Variants in UTP18 observed in about 807,000 individuals in gnomAD.
UTP18 encodes the protein U3 small nucleolar RNA-associated protein 18 homolog.
A neutral mutation model predicts 61.1 loss-of-function variants in UTP18; 36 were observed. That is an observed-to-expected ratio of 0.59 (90% CI 0.45 to 0.78). The LOEUF (loss-of-function observed/expected upper bound fraction) is 0.78. Ranked by LOEUF, UTP18 falls within the 30% of genes least tolerant of loss-of-function variation. UTP18 has a pLI of 0.00. For synonymous variants in UTP18, 282 were observed against 251.1 expected, an observed-to-expected ratio of 1.12 and a Z score of -1.16; for missense variants, 753 against 693.9, an observed-to-expected ratio of 1.09 and a Z score of -0.96.
chr17:51,297,434 A>T (rs942193984), intron 13 of UTP18, among the ~76,000 whole-genome samples: 19 of 152,332 alleles, frequency 1.2e-4, no homozygotes, highest in African/African-American at 4.6e-4. Context: ...GCTGGCCATT[A>T]GTTCTGCTGC....
intron 11 of UTP18, among the ~76,000 whole-genome samples, chr17:51,290,590 C>A (rs1157236629): frequency 2.0e-5 from 3 of 152,126 alleles, no homozygotes; most frequent in African/African-American, 7.2e-5. Flanking sequence ...GTAATATTAA[C>A]CTTTTATCAC....
Position 51,288,013 on chromosome 17 carries a change from C to G in UTP18, c.1329-16C>G, listed in dbSNP as rs369267009. On this transcript the variant is annotated splice_polypyrimidine_tract_variant and intron_variant, in intron 10 of 13. Coordinates refer to ENST00000225298, the MANE Select transcript of UTP18 (RefSeq NM_016001.3). Reference sequence around the variant, plus strand: ...TACTTGGTTTTTAATCTATTTTAATCCTTTTCTCTTTGTAGTTCTAATTGT... The same window carrying G: ...TACTTGGTTTTTAATCTATTTTAATGCTTTTCTCTTTGTAGTTCTAATTGT... 135 of 1,548,124 alleles carry G rather than the reference C, an allele frequency of 8.7e-5. No individual in the cohort carries two copies. The highest frequency in any genetic ancestry group is 1.1e-4 in the Non-Finnish European group (126 of 1,153,616).
rs754070570 is a variant in UTP18 at position 51,285,325 on chromosome 17, T to G, written c.1285T>G (p.Leu429Val). The change falls in exon 10 of 14, where the codon TTA becomes GTA. Residue 429 changes from leucine (L) to valine (V), a missense_variant. Coordinates refer to ENST00000225298, the MANE Select transcript of UTP18 (RefSeq NM_016001.3). ...TGTTGATGAAGGCAGTTTATATGGA[T>G]TAAGCATTGCCACATCTAGGAATGG... ...RFVDEGSLYG[L>V]SIATSRNGQY... is the part of the protein sequence containing the mutation. The G allele has an allele frequency of 6.2e-7, 1 of 1,613,892 alleles. No homozygotes were observed. Among genetic ancestry groups the G allele is most frequent in the South Asian group, 1.1e-5 (1 of 91,080 alleles).
intron 9 of UTP18, among the ~76,000 whole-genome samples, chr17:51,283,573 T>C (rs1444191891): frequency 6.6e-6 from 1 of 152,004 alleles, no homozygotes; most frequent in Non-Finnish European, 1.5e-5. Context: ...TTGAAGAATT[T>C]ACCTTTTTCT....
intron 7 of UTP18, 107 bp from the exon 8 acceptor site, chr17:51,279,898 T>A: frequency 1.1e-6 from 1 of 921,814 alleles, no homozygotes; most frequent in South Asian, 1.8e-5. Flanking sequence ...TTGTTTAATT[T>A]GAGCCACTTA....
chr17:51,268,939 A>G (rs757456737), intron 4 of UTP18, 35 bp downstream of exon 4: 2 of 1,587,942 alleles, frequency 1.3e-6, no homozygotes, highest in African/African-American at 1.3e-5. Context: ...ATTAGTACAT[A>G]AGTCCCTGTT....
At chr17:51,293,769 A>G (rs1414622987) in intron 11 of UTP18, 134 bp from the exon 12 acceptor site, 7 of 697,664 alleles carry the variant, frequency 1.0e-5, no homozygotes, top group Non-Finnish European at 1.5e-5. Flanking sequence ...TGCTGCACTA[A>G]TAGACTGTAC....
chr17:51,295,049 T>G lies in UTP18; in HGVS notation c.1646+1004T>G, dbSNP rs1237751624. Among the ~76,000 whole-genome samples the G allele has an allele frequency of 2.0e-5, 3 of 152,152 alleles. No individual in the cohort carries two copies. The East Asian group carries it at 5.8e-4, about 29-fold the overall frequency. On this transcript the variant is annotated intron_variant, in intron 12 of 13. Coordinates refer to ENST00000225298, the MANE Select transcript of UTP18 (RefSeq NM_016001.3). Reference sequence around the variant, plus strand: ...TCCTTCGCCCACTTTTTGATGGGGTTGTTTTTTTCTTGTAAATTTGTTTGA... The same window carrying G: ...TCCTTCGCCCACTTTTTGATGGGGTGGTTTTTTTCTTGTAAATTTGTTTGA...
rs779975966 is a variant in UTP18, at chr17:51,266,284, A to G, written c.554+4A>G. 3 of 1,580,354 alleles carry G rather than the reference A, an allele frequency of 1.9e-6. No individual in the cohort carries two copies. Among genetic ancestry groups the G allele is most frequent in the East Asian group, 4.6e-5 (2 of 43,074 alleles). On this transcript the variant is annotated splice_donor_region_variant and intron_variant, in intron 3 of 13. Transcript: ENST00000225298. ...TTAAAAAGAGACTTAAAGAAGAGTA[A>G]GTGTCTTTTTTCATATGATTTACCA...
At chr17:51,269,709 G>T (rs1904448183) in intron 4 of UTP18, among the ~76,000 whole-genome samples, 1 of 152,176 alleles carries the variant, frequency 6.6e-6, no homozygotes, top group Non-Finnish European at 1.5e-5. Flanking sequence ...TTACTAAGTA[G>T]AAATTGACCG....
chr17:51,270,312 T>C (rs775319452), intron 4 of UTP18, among the ~76,000 whole-genome samples: 2 of 152,254 alleles, frequency 1.3e-5, no homozygotes, highest in Non-Finnish European at 1.5e-5. Flanking sequence ...GTTTGTTTTT[T>C]AATATGTTAA....
rs755417129 is a variant in UTP18, at chr17:51,275,902, A to G, written c.748A>G (p.Thr250Ala). 3.4e-5 allele frequency: 54 copies of G among 1,611,418 alleles called. No homozygotes were observed. Among genetic ancestry groups the G allele is most frequent in the Non-Finnish European group, 4.5e-5 (53 of 1,179,244 alleles). Reference sequence around the variant, plus strand: ...CCAGCATGCGAATGCTGAACGTCCTACTGTTGCTCGGATCTCATCTGTGCA... The same window carrying G: ...CCAGCATGCGAATGCTGAACGTCCTGCTGTTGCTCGGATCTCATCTGTGCA... Reference protein sequence around the residue: ...NCQHANAERPTVARISSVQFH... With the variant: ...NCQHANAERPAVARISSVQFH... Residue 250 changes from threonine to alanine, a missense_variant, in exon 6 of 14, where the codon ACT becomes GCT. By Grantham distance (58) the Thr-to-Ala change is moderately conservative (BLOSUM62 0). Transcript: ENST00000225298.
chr17:51,279,009 T>G (rs984764686), intron 7 of UTP18, among the ~76,000 whole-genome samples: 2 of 152,204 alleles, frequency 1.3e-5, no homozygotes, highest in Admixed American at 1.3e-4. Flanking sequence ...TTAATTTGTA[T>G]TTTCCTGTAG....
At chr17:51,278,323 T>C (rs1343656626) in intron 7 of UTP18, among the ~76,000 whole-genome samples, 2 of 152,206 alleles carry the variant, frequency 1.3e-5, no homozygotes, top group African/African-American at 2.4e-5. Flanking sequence ...GTGTGGTCCA[T>C]GGACCTCACT....
chr17:51,280,877 CA>C (rs906029748), intron 9 of UTP18, among the ~76,000 whole-genome samples: 2 of 150,622 alleles, frequency 1.3e-5, no homozygotes, highest in African/African-American at 2.4e-5. Flanking sequence ...TCTCAAAAAA[CA>C]AAAGCAAAAA....
In UTP18 at chr17:51,266,638, G is replaced by T. The variant is rs539275747; in HGVS notation, c.554+358G>T. Reference sequence around the variant, plus strand: ...GTCATATTTGCTTTGTGTATTTGGGGGATGTGTGTGCTTTCCCAATGTATT... The same window carrying T: ...GTCATATTTGCTTTGTGTATTTGGGTGATGTGTGTGCTTTCCCAATGTATT... On this transcript the variant is annotated intron_variant, in intron 3 of 13. Transcript: ENST00000225298. Among the ~76,000 whole-genome samples, 8 of 152,242 alleles carry T rather than the reference G, an allele frequency of 5.3e-5. No homozygotes were observed. In the South Asian group the frequency reaches 1.7e-3, roughly 32 times the overall value.
At chr17:51,282,027 T>C (rs1904946188) in intron 9 of UTP18, among the ~76,000 whole-genome samples, 1 of 152,232 alleles carries the variant, frequency 6.6e-6, no homozygotes, top group Non-Finnish European at 1.5e-5. Flanking sequence ...CCTGCTCTTC[T>C]ACCTTTCTGA....
chr17:51,294,661 A>G (rs1273493212), intron 12 of UTP18, among the ~76,000 whole-genome samples: 2 of 152,200 alleles, frequency 1.3e-5, no homozygotes, highest in African/African-American at 4.8e-5. Flanking sequence ...ATCAATAAAC[A>G]TACATGTGCA....
At chr17:51,285,209 A>C in intron 9 of UTP18, 36 bp from the exon 10 acceptor site, 2 of 1,610,478 alleles carry the variant, frequency 1.2e-6, no homozygotes, top group East Asian at 4.5e-5. Context: ...AGTTTAAAGC[A>C]AAATTAACAA....
Sources: gnomAD v4.1 joint callset for allele counts (sites outside exome capture counted in the v4.1 genomes callset) on GRCh38, gnomAD v4.1.1 for gene constraint, MANE v1.5 for transcripts, NCBI Gene and HGNC (gene_info 2026-07-23, HGNC 2026-07-21) for gene names.